The following PIERCE2 variants were observed in gnomAD, a reference collection of about 807,000 sequenced individuals.
PIERCE2 encodes piercer of microtubule wall 2 protein.
At chr15:55,408,823 T>A in the PIERCE2 span, 3 of 1,478,856 alleles carry the variant, frequency 2.0e-6, no homozygotes, top group African/African-American at 4.2e-5. Context: ...TTGGGAATGT[T>A]GGTATTCGCT....
the PIERCE2 span, chr15:55,418,520 C>A: frequency 6.6e-7 from 1 of 1,522,628 alleles, no homozygotes; most frequent in Non-Finnish European, 8.8e-7. Context: ...AAATACTGCA[C>A]CTGACAGAAC....
the PIERCE2 span, among the ~76,000 whole-genome samples, chr15:55,409,478 C>T: frequency 3.3e-5 from 5 of 152,136 alleles, no homozygotes; most frequent in African/African-American, 1.2e-4. Context: ...ATTCTCTGTC[C>T]CCTAATTGTG....
At chr15:55,412,263 C>G in the PIERCE2 span, among the ~76,000 whole-genome samples, 1 of 152,054 alleles carries the variant, frequency 6.6e-6, no homozygotes, top group African/African-American at 2.4e-5. Flanking sequence ...GTATGAGAAC[C>G]TAGGTCATAG....
the PIERCE2 span, chr15:55,418,546 T>C: frequency 2.7e-6 from 4 of 1,489,864 alleles, no homozygotes; most frequent in Non-Finnish European, 3.6e-6. Context: ...CTCTTGATTT[T>C]CCTAATATTC....
chr15:55,415,943 A>G, the PIERCE2 span, among the ~76,000 whole-genome samples: 1 of 152,302 alleles, frequency 6.6e-6, no homozygotes, highest in East Asian at 1.9e-4. Flanking sequence ...CATCTAAATC[A>G]GTACACATTT....
the PIERCE2 span, among the ~76,000 whole-genome samples, chr15:55,412,858 G>C: frequency 2.0e-5 from 3 of 152,122 alleles, no homozygotes; most frequent in Admixed American, 6.6e-5. Context: ...GGATTGATAT[G>C]GTAGCTTATG....
At chr15:55,411,813 C>T in the PIERCE2 span, among the ~76,000 whole-genome samples, 1 of 151,860 alleles carries the variant, frequency 6.6e-6, no homozygotes, top group African/African-American at 2.4e-5. Context: ...CACAGCTACT[C>T]GGGAGTCTGA....
the PIERCE2 span, among the ~76,000 whole-genome samples, chr15:55,409,300 G>A: frequency 6.6e-6 from 1 of 152,102 alleles, no homozygotes; most frequent in East Asian, 1.9e-4. Flanking sequence ...AGCTACTTGG[G>A]AGGCTGAGAC....
At chr15:55,409,223 T>C in the PIERCE2 span, among the ~76,000 whole-genome samples, 3 of 152,040 alleles carry the variant, frequency 2.0e-5, no homozygotes, top group Admixed American at 6.6e-5. Context: ...CTGACCTACA[T>C]GGTGAAACTC....
At chr15:55,415,443 T>G in the PIERCE2 span, among the ~76,000 whole-genome samples, 9 of 117,388 alleles carry the variant, frequency 7.7e-5, no homozygotes, top group Admixed American at 4.1e-4. Context: ...GGGACGAGAG[T>G]GAAACTTCGT....
chr15:55,417,422 G>T, the PIERCE2 span, among the ~76,000 whole-genome samples: 4 of 151,702 alleles, frequency 2.6e-5, no homozygotes, highest in Admixed American at 6.6e-5. Context: ...TTAATATCTT[G>T]TATTTTTTTT....
At chr15:55,412,817 G>A in the PIERCE2 span, among the ~76,000 whole-genome samples, 1 of 151,974 alleles carries the variant, frequency 6.6e-6, no homozygotes, top group East Asian at 1.9e-4. Context: ...GATTGAATAT[G>A]GTTTTATAGT....
the PIERCE2 span, among the ~76,000 whole-genome samples, chr15:55,414,814 GT>G: frequency 6.6e-6 from 1 of 152,054 alleles, no homozygotes; most frequent in Admixed American, 6.5e-5. Flanking sequence ...AGATGGGGAG[GT>G]TGCAGTGAGC....
chr15:55,418,271 G>T, the PIERCE2 span: 6 of 1,553,874 alleles, frequency 3.9e-6, no homozygotes, highest in Non-Finnish European at 5.2e-6. Context: ...AATGAAATCT[G>T]AACAACTGCC....
At chr15:55,416,777 G>C in the PIERCE2 span, among the ~76,000 whole-genome samples, 1 of 152,142 alleles carries the variant, frequency 6.6e-6, no homozygotes, top group African/African-American at 2.4e-5. Context: ...TGGCCAACAT[G>C]GTGAAACCCT....
At chr15:55,415,523 T>C in the PIERCE2 span, among the ~76,000 whole-genome samples, 1 of 151,112 alleles carries the variant, frequency 6.6e-6, no homozygotes, top group Admixed American at 6.6e-5. Flanking sequence ...AAGAATCCCG[T>C]CTCCAACAAC....
the PIERCE2 span, among the ~76,000 whole-genome samples, chr15:55,414,429 T>G: frequency 6.6e-6 from 1 of 150,658 alleles, no homozygotes; most frequent in Non-Finnish European, 1.5e-5. Context: ...CAGGCTGATC[T>G]CAGACTCCTG....
chr15:55,418,389 A>G, the PIERCE2 span: 4 of 1,534,428 alleles, frequency 2.6e-6, no homozygotes, highest in African/African-American at 1.4e-5. Context: ...TATAAAACCA[A>G]TTCAAGTCAT....
chr15:55,416,935 T>C, the PIERCE2 span, among the ~76,000 whole-genome samples: 2 of 152,130 alleles, frequency 1.3e-5, no homozygotes, highest in African/African-American at 4.8e-5. Context: ...CAGTCCAGCC[T>C]GGATGACAGA....
Sources: allele counts gnomAD v4.1 joint callset (sites outside exome capture counted in the v4.1 genomes callset), GRCh38; gene constraint gnomAD v4.1.1; transcripts MANE v1.5; gene names NCBI Gene and HGNC (gene_info 2026-07-23, HGNC 2026-07-21).